Variants in FREM1 observed in about 807,000 individuals in gnomAD.
FREM1 encodes the protein FRAS1 related extracellular matrix 1.
Under a neutral mutation model 210.1 loss-of-function variants are expected in FREM1, and 220 were observed. The ratio of observed to expected loss-of-function variants is 1.05; its 90% CI spans 0.94 to 1.17. The LOEUF is 1.17. Among genes scored for constraint, FREM1 ranks in the 50% most tolerant of loss-of-function variants. FREM1 has a pLI of 0.00. For synonymous variants in FREM1, 1,189 were observed against 980.2 expected (o/e 1.21, Z -3.98); for missense variants, 3,454 against 2,675.5 (o/e 1.29, Z -6.42).
Position 14,837,466 on chromosome 9 carries a change from TAC to T in FREM1, c.1881+3979_1881+3980del, listed in dbSNP as rs35667419. Among the ~76,000 whole-genome samples, 35 of 148,774 alleles carry T rather than the reference TAC, an allele frequency of 2.4e-4. No homozygotes were observed. The East Asian group carries it at 5.1e-3, about 22-fold the overall frequency. On this transcript the variant is annotated intron_variant, in intron 10 of 36. Coordinates refer to ENST00000380880, the MANE Select transcript of FREM1 (RefSeq NM_001379081.2). ...AACCACACACACACACACATACACA[TAC>T]ACACACACACACACAAATGTGCCCA...
intron 15 of FREM1, among the ~76,000 whole-genome samples, chr9:14,814,461 A>T (rs934268169): frequency 1.3e-5 from 2 of 152,218 alleles, no homozygotes; most frequent in African/African-American, 4.8e-5. Context: ...CTACCTTGTT[A>T]TTTAAACAGG....
Position 14,752,274 on chromosome 9 carries a change from G to C in FREM1, c.5408-1998C>G, listed in dbSNP as rs565294561. ...AGATTGTAGAGCCTATATAAATGTGGGCTTTAGAAGTGAAAGGATTAGGAG... is the reference window on the plus strand; with the variant it reads ...AGATTGTAGAGCCTATATAAATGTGCGCTTTAGAAGTGAAAGGATTAGGAG... On this transcript the variant is annotated intron_variant, in intron 29 of 36. Transcript: ENST00000380880. Among the ~76,000 whole-genome samples the C allele has an allele frequency of 6.1e-4, 93 of 152,136 alleles. 2 individuals carry two copies. Among genetic ancestry groups the C allele is most frequent in the Non-Finnish European group, 1.2e-3 (84 of 68,008 alleles).
Position 14,792,727 on chromosome 9 carries a change from G to C in FREM1, c.3981+16C>G, listed in dbSNP as rs774166655. On this transcript the variant is annotated intron_variant, in intron 22 of 36. Transcript: ENST00000380880. ...GCTACGTTAGTTTTGAAAAATAAAA[G>C]TAAGAAGTCACTAACCTTAAGCTGA... 1 of 1,569,144 alleles carries C rather than the reference G, an allele frequency of 6.4e-7. No homozygotes were observed. The highest frequency in any genetic ancestry group is 8.6e-7 in the Non-Finnish European group (1 of 1,160,458).
chr9:14,859,272 C>A lies in FREM1; in HGVS notation c.542G>T (p.Arg181Leu). ...CTVSLDTART[R>L]LPAHGQMVLG... ...AACCATCTGGCCATGGGCTGGCAGC[C>A]GAGTTCTCGCAGTGTCCAGGCTGAC... The change falls in exon 4 of 37, where the codon CGG becomes CTG. Residue 181 changes from arginine (R) to leucine (L), a missense_variant. Transcript: ENST00000380880. 6.2e-7 allele frequency: 1 copy of A among 1,613,734 alleles called. No homozygotes were observed. The highest frequency in any genetic ancestry group is 8.5e-7 in the Non-Finnish European group (1 of 1,179,758).
At position 14,746,970 on chromosome 9, in the gene FREM1, A is replaced by G; in HGVS notation, c.6091T>C (p.Tyr2031His). Residue 2031 changes from tyrosine to histidine, a missense_variant, in exon 34 of 37, where the codon TAT (tyrosine) becomes CAT (histidine). Tyr to His is a moderately conservative substitution (Grantham distance 83). Coordinates refer to ENST00000380880, the MANE Select transcript of FREM1 (RefSeq NM_001379081.2). ...FHFEEGIQKL[Y>H]QCNGIAWKAW... ...TTCCAGGCGATCCCATTGCACTGAT[A>G]CAGCTTCTGGATGCCTTCTTCAAAA... 1 of 1,613,428 alleles carries G rather than the reference A, an allele frequency of 6.2e-7. No individual in the cohort carries two copies. Among genetic ancestry groups the G allele is most frequent in the African/African-American group, 1.3e-5 (1 of 75,022 alleles).
chr9:14,846,027 A>C lies in FREM1; in HGVS notation c.1326T>G (p.Asn442Lys). ...ITWEQFQVVD[N>K]DDIGAVRLVT... ...CTAGCCGGACAGCACCAATGTCGTC[A>C]TTGTCGACAACCTGAAACTGTTCCC... is the stretch of plus-strand genomic sequence containing the variant. The change falls in exon 8 of 37, where the codon AAT becomes AAG. Residue 442 changes from asparagine to lysine, a missense_variant. Physicochemically the swap from Asn to Lys is moderately conservative, Grantham distance 94 (BLOSUM62 0). Transcript: ENST00000380880. 6.2e-7 allele frequency: 1 copy of C among 1,611,094 alleles called. No homozygotes were observed. Among genetic ancestry groups the C allele is most frequent in the African/African-American group, 1.3e-5 (1 of 75,008 alleles).
At chr9:14,782,006 A>G (rs1849707725) in intron 24 of FREM1, among the ~76,000 whole-genome samples, 1 of 152,208 alleles carries the variant, frequency 6.6e-6, no homozygotes, top group South Asian at 2.1e-4. Flanking sequence ...CCCCAGCCTC[A>G]ACTTCCATAA....
chr9:14,855,350 G>T (rs547897190), intron 5 of FREM1, among the ~76,000 whole-genome samples: 19 of 152,050 alleles, frequency 1.2e-4, no homozygotes, highest in Non-Finnish European at 2.5e-4. Context: ...GGAAAAAACT[G>T]TTCCTTGTAT....
At chr9:14,794,859 G>A (rs191107775) in intron 21 of FREM1, among the ~76,000 whole-genome samples, 41 of 152,102 alleles carry the variant, frequency 2.7e-4, no homozygotes, top group East Asian at 9.7e-4. Context: ...TTAGCCAGGC[G>A]TGGTGGCAGG....
intron 10 of FREM1, 80 bp downstream of exon 10, chr9:14,841,367 C>G: frequency 1.7e-6 from 2 of 1,166,614 alleles, no homozygotes; most frequent in Non-Finnish European, 2.3e-6. Context: ...AACCTATTTT[C>G]ATGTGGTTTC....
At chr9:14,751,841 A>C (rs1843449793) in intron 29 of FREM1, 1 of 151,990 alleles carries the variant, frequency 6.6e-6, no homozygotes, top group African/African-American at 2.4e-5. Flanking sequence ...CACTTCTTCT[A>C]CTTTTGGCTG....
Position 14,860,815 on chromosome 9 carries a change from A to G in FREM1, c.330-1331T>C, listed in dbSNP as rs1365891150. 3.8e-3 allele frequency among the ~76,000 whole-genome samples: 355 copies of G among 92,894 alleles called. 11 individuals carry two copies. Among genetic ancestry groups the G allele is most frequent in the Non-Finnish European group, 5.8e-3 (236 of 40,614 alleles). The allele number at this position is 92,894 out of a possible 152,430, so 60.9% of individuals were successfully genotyped here. A position where few individuals can be genotyped will look rare whatever the true frequency, so the allele number is the denominator to read the frequency against. On this transcript the variant is annotated intron_variant, in intron 3 of 36. Transcript: ENST00000380880. The stretch of plus-strand genomic sequence containing the variant: ...CATATATACACATATATACATATAT[A>G]CACATATATACATATATACGTATAT...
At position 14,769,850 on chromosome 9, in the gene FREM1, T is replaced by C; in HGVS notation, c.5078A>G (p.Lys1693Arg). ...NTTTGEFIHEKFSQKDLNSKT... is the reference protein window; with the variant it reads ...NTTTGEFIHERFSQKDLNSKT... ...ACTGTTTAAGTCCTTTTGGCTAAATTTCTCATGGATAAATTCACCTAAAAA... is the reference window on the plus strand; with the variant it reads ...ACTGTTTAAGTCCTTTTGGCTAAATCTCTCATGGATAAATTCACCTAAAAA... The change falls in exon 27 of 37, where the codon AAA becomes AGA. Residue 1693 changes from lysine to arginine, a missense_variant. Physicochemically the swap from Lys to Arg is conservative, Grantham distance 26. Transcript: ENST00000380880. 6.5e-7 allele frequency: 1 copy of C among 1,539,784 alleles called. No individual in the cohort carries two copies. Among genetic ancestry groups the C allele is most frequent in the South Asian group, 1.2e-5 (1 of 80,730 alleles).
At chr9:14,818,324 G>A (rs912966272) in intron 14 of FREM1, among the ~76,000 whole-genome samples, 2 of 152,316 alleles carry the variant, frequency 1.3e-5, no homozygotes, top group East Asian at 1.9e-4. Context: ...GAGTGCGAGT[G>A]CAAAGATCAA....
At chr9:14,764,144 G>A (rs1845992125) in intron 27 of FREM1, among the ~76,000 whole-genome samples, 1 of 152,082 alleles carries the variant, frequency 6.6e-6, no homozygotes, top group Non-Finnish European at 1.5e-5. Flanking sequence ...CTTTACGAGG[G>A]GTTTCCCTTT....
chr9:14,767,231 G>T (rs1846596949), intron 27 of FREM1, among the ~76,000 whole-genome samples: 1 of 152,052 alleles, frequency 6.6e-6, no homozygotes. Flanking sequence ...CACTAATATA[G>T]AGATCTATAA....
intron 1 of FREM1, among the ~76,000 whole-genome samples, chr9:14,906,227 A>G (rs1364698862): frequency 1.3e-5 from 2 of 152,226 alleles, no homozygotes; most frequent in African/African-American, 4.8e-5. Context: ...CTTGGCCAAC[A>G]TTACAGAGCC....
At chr9:14,847,606 A>G (rs1009568496) in intron 7 of FREM1, among the ~76,000 whole-genome samples, 1 of 152,162 alleles carries the variant, frequency 6.6e-6, no homozygotes, top group Non-Finnish European at 1.5e-5. Context: ...ACAGCAAAAT[A>G]TTAACATTGG....
At chr9:14,862,473 T>C (rs1830760608) in intron 3 of FREM1, among the ~76,000 whole-genome samples, 1 of 152,220 alleles carries the variant, frequency 6.6e-6, no homozygotes, top group Admixed American at 6.5e-5. Flanking sequence ...TATACCATAA[T>C]CGTGAGCTTA....
Sources: gnomAD v4.1 joint callset for allele counts (sites outside exome capture counted in the v4.1 genomes callset) on GRCh38, gnomAD v4.1.1 for gene constraint, MANE v1.5 for transcripts, NCBI Gene and HGNC (gene_info 2026-07-23, HGNC 2026-07-21) for gene names.